ZNF778: variants seen among roughly 807,000 people sequenced by gnomAD.
ZNF778 encodes zinc finger protein 778.
ZNF778 carries 37 observed loss-of-function variants against 23.9 expected under a neutral mutation model. The observed-to-expected ratio is 1.54, with a 90% CI of 1.19 to 2.03. The LOEUF is 2.03. Among genes scored for constraint, ZNF778 ranks in the 30% most tolerant of loss-of-function variants. The pLI, the probability that ZNF778 is intolerant of heterozygous loss-of-function variation, is 0.00. For synonymous variants in ZNF778, 483 were observed against 343.9 expected, an observed-to-expected ratio of 1.40 and a Z score of -4.48; for missense variants, 1,297 against 934.4, an observed-to-expected ratio of 1.39 and a Z score of -5.06.
chr16:89,227,837 C>T lies in ZNF778; in HGVS notation c.1549C>T (p.Arg517Cys), dbSNP rs371046890. 24 of 1,613,802 alleles carry T rather than the reference C, an allele frequency of 1.5e-5. No individual in the cohort carries two copies. The highest frequency in any genetic ancestry group is 8.9e-5 in the East Asian group (4 of 44,842). ...CKQCGKAFTG[R>C]SGLTKHMRTH... Reference sequence around the variant, plus strand: ...GCAGTGTGGCAAAGCCTTCACAGGGCGCTCAGGCCTCACTAAACACATGCG... The same window carrying T: ...GCAGTGTGGCAAAGCCTTCACAGGGTGCTCAGGCCTCACTAAACACATGCG... Residue 517 changes from arginine to cysteine, a missense_variant, in exon 7 of 7, where the codon CGC (arginine) becomes TGC (cysteine). Coordinates refer to ENST00000433976, the MANE Select transcript of ZNF778 (RefSeq NM_001201407.2).
chr16:89,234,282 T>C lies in ZNF778; in HGVS notation c.*5720T>C, dbSNP rs1265086942. 7 of 348,074 alleles carry C rather than the reference T, an allele frequency of 2.0e-5. No homozygotes were observed. Among genetic ancestry groups the C allele is most frequent in the Non-Finnish European group, 5.7e-6 (1 of 176,464 alleles). The allele number at this position is 348,074 out of a possible 1,614,324, so 21.6% of individuals were successfully genotyped here. A position where few individuals can be genotyped will look rare whatever the true frequency, so the allele number is the denominator to read the frequency against. The stretch of plus-strand genomic sequence containing the variant: ...CCAGCCCAGGGATTCTTGAACTATC[T>C]GTAGGAACTGCCATGTTGACTCCTG... On this transcript the variant is annotated 3_prime_UTR_variant, in exon 7 of 7. Coordinates refer to ENST00000433976, the MANE Select transcript of ZNF778 (RefSeq NM_001201407.2).
chr16:89,228,381 A>G lies in ZNF778; in HGVS notation c.2093A>G (p.Gln698Arg). The change falls in exon 7 of 7, where the codon CAG becomes CGG. Residue 698 changes from glutamine to arginine, a missense_variant. Coordinates refer to ENST00000433976, the MANE Select transcript of ZNF778 (RefSeq NM_001201407.2). ...AAACATGGAAGAATTCACACTGGGC[A>G]GAAACCCTATAAATGTAAGGAATGT... is the stretch of plus-strand genomic sequence containing the variant. ...LHKHGRIHTGQKPYKCKECGK... is the reference protein window; with the variant it reads ...LHKHGRIHTGRKPYKCKECGK... 1.2e-6 allele frequency: 2 copies of G among 1,613,856 alleles called. No homozygotes were observed. The highest frequency in any genetic ancestry group is 1.7e-6 in the Non-Finnish European group (2 of 1,179,818).
Position 89,232,642 on chromosome 16 carries a change from G to GTTT in ZNF778, c.*4092_*4094dup. 1 of 1,047,092 alleles carries GTTT rather than the reference G, an allele frequency of 9.6e-7. No individual in the cohort carries two copies. Among genetic ancestry groups the GTTT allele is most frequent in the Non-Finnish European group, 1.1e-6 (1 of 877,826 alleles). The allele number at this position is 1,047,092 out of a possible 1,614,324, so 64.9% of individuals were successfully genotyped here. A position where few individuals can be genotyped will look rare whatever the true frequency, so the allele number is the denominator to read the frequency against. On this transcript the variant is annotated 3_prime_UTR_variant, in exon 7 of 7. Transcript: ENST00000433976. Reference sequence around the variant, plus strand: ...TTAAAGGACCAATTGTATTAATTATGTTTTTTTTTTTTTTGTTAGGGTACA... The same window carrying GTTT: ...TTAAAGGACCAATTGTATTAATTATGTTTTTTTTTTTTTTTTTGTTAGGGTACA...
At position 89,228,187 on chromosome 16, in the gene ZNF778, C is replaced by T. The variant is rs74466939; in HGVS notation, c.1899C>T (p.Ile633=). Residue 633 remains isoleucine, a synonymous_variant, in exon 7 of 7, where the codon ATC becomes ATT. Coordinates refer to ENST00000433976, the MANE Select transcript of ZNF778 (RefSeq NM_001201407.2). ...CCTTCACCACATCCTCACACCTTAT[C>T]GTGCACATAAGAACCCACACCGGTG... ...GKAFTTSSHL[I]VHIRTHTGEK... is the part of the protein sequence containing the mutation. 187,009 of 1,613,546 alleles carry T rather than the reference C, an allele frequency of 0.12. 13,429 individuals carry two copies. Among genetic ancestry groups the T allele is most frequent in the Admixed American group, 0.32 (19,081 of 59,976 alleles).
intron 3 of ZNF778, among the ~76,000 whole-genome samples, 192 bp from the exon 4 acceptor site, chr16:89,222,965 C>CGGTGCGCGTGACTGG (rs2031109641): frequency 2.7e-5 from 4 of 150,600 alleles, no homozygotes; most frequent in Middle Eastern, 3.5e-3. Context: ...AGGAGAGCGA[C>CGGTGCGCGTGACTGG]AGGGTGCGCG....
chr16:89,219,220 A>T (rs1238047662), intron 1 of ZNF778, among the ~76,000 whole-genome samples: 3 of 152,250 alleles, frequency 2.0e-5, no homozygotes, highest in Non-Finnish European at 4.4e-5. Context: ...TTTGGGGACT[A>T]AGAGCCCTTC....
intron 1 of ZNF778, among the ~76,000 whole-genome samples, chr16:89,220,131 A>G (rs1307102081): frequency 1.3e-5 from 2 of 152,338 alleles, no homozygotes; most frequent in East Asian, 3.9e-4. Context: ...GAAGGAGGGA[A>G]AAGAGCCTGT....
rs897335793 is a variant in ZNF778 at position 89,229,840 on chromosome 16, C to T, written c.*1278C>T. 2 of 984,040 alleles carry T rather than the reference C, an allele frequency of 2.0e-6. No homozygotes were observed. Among genetic ancestry groups the T allele is most frequent in the African/African-American group, 3.5e-5 (2 of 56,804 alleles). The allele number at this position is 984,040 out of a possible 1,614,324, so 61.0% of individuals were successfully genotyped here. A position where few individuals can be genotyped will look rare whatever the true frequency, so the allele number is the denominator to read the frequency against. On this transcript the variant is annotated 3_prime_UTR_variant, in exon 7 of 7. Transcript: ENST00000433976. ...GTATCCAGATGTGATCCTGTGTGAG[C>T]AGCGTAGGCTCTGGTTGGTTAGTCT...
Position 89,232,541 on chromosome 16 carries a change from T to G in ZNF778, c.*3979T>G, listed in dbSNP as rs2031979821. On this transcript the variant is annotated 3_prime_UTR_variant, in exon 7 of 7. Coordinates refer to ENST00000433976, the MANE Select transcript of ZNF778 (RefSeq NM_001201407.2). ...ACTCTCAGAACGTGTTCTGTGTCAC[T>G]TAGGGCAACTTATGCCCTCCTGTGT... is the stretch of plus-strand genomic sequence containing the variant. 1.0e-6 allele frequency: 1 copy of G among 960,336 alleles called. No individual in the cohort carries two copies. Among genetic ancestry groups the G allele is most frequent in the Admixed American group, 3.7e-5 (1 of 27,106 alleles). The allele number at this position is 960,336 out of a possible 1,614,324, so 59.5% of individuals were successfully genotyped here.
rs1000940763 is a variant in ZNF778, at chr16:89,230,023, T to G, written c.*1461T>G. 1 of 980,742 alleles carries G rather than the reference T, an allele frequency of 1.0e-6. No homozygotes were observed. The highest frequency in any genetic ancestry group is 1.8e-5 in the African/African-American group (1 of 57,030). 60.8% of individuals were successfully genotyped at this position (980,742 alleles called of 1,614,324 possible). Reference sequence around the variant, plus strand: ...AGCAGTGTAGGCTCTGGTTGGTTAGTCTTAAGTATCCAGATGGGATCCTGT... The same window carrying G: ...AGCAGTGTAGGCTCTGGTTGGTTAGGCTTAAGTATCCAGATGGGATCCTGT... On this transcript the variant is annotated 3_prime_UTR_variant, in exon 7 of 7. Transcript: ENST00000433976.
intron 3 of ZNF778, 82 bp from the exon 4 acceptor site, chr16:89,223,075 G>T: frequency 1.3e-6 from 2 of 1,522,116 alleles, no homozygotes; most frequent in Non-Finnish European, 1.8e-6. Context: ...AGTCCCATAG[G>T]CGTAGGGCCC....
In ZNF778 at chr16:89,236,422, T is replaced by C. The variant is rs2032239106; in HGVS notation, c.*7860T>C. ...TATCCAACAAAATATCCTTTAGGAA[T>C]GAAACAGAAGTAACGATGAGGCAAT... On this transcript the variant is annotated 3_prime_UTR_variant, in exon 7 of 7. Transcript: ENST00000433976. 6.6e-6 allele frequency: 1 copy of C among 152,158 alleles called. No individual in the cohort carries two copies. Among genetic ancestry groups the C allele is most frequent in the South Asian group, 2.1e-4 (1 of 4,832 alleles). The allele number at this position is 152,158 out of a possible 1,614,324, so 9.4% of individuals were successfully genotyped here.
intron 3 of ZNF778, among the ~76,000 whole-genome samples, chr16:89,222,808 T>C (rs1597349655): frequency 6.6e-6 from 1 of 152,216 alleles, no homozygotes; most frequent in East Asian, 1.9e-4. Flanking sequence ...TGTAGTGTGC[T>C]CAGGAGAGGG....
intron 1 of ZNF778, 121 bp from the exon 2 acceptor site, chr16:89,220,876 A>T (rs774836911): frequency 2.0e-5 from 10 of 496,730 alleles, no homozygotes; most frequent in Non-Finnish European, 3.7e-5. Flanking sequence ...TGACGTGGAT[A>T]TTACTAGTCC....
Position 89,226,674 on chromosome 16 carries a change from C to G in ZNF778, c.406-20C>G, listed in dbSNP as rs761593279. ...TCAGCCTCAGTAACCCCCTGACCAC[C>G]ACTCATTCTTCACCAACAGGCAAGA... On this transcript the variant is annotated intron_variant, in intron 6 of 6. Transcript: ENST00000433976. 3 of 1,593,876 alleles carry G rather than the reference C, an allele frequency of 1.9e-6. No individual in the cohort carries two copies. The highest frequency in any genetic ancestry group is 2.6e-6 in the Non-Finnish European group (3 of 1,167,540).
At chr16:89,222,287 G>T in intron 3 of ZNF778, 104 bp downstream of exon 3, 2 of 801,600 alleles carry the variant, frequency 2.5e-6, no homozygotes, top group South Asian at 4.8e-5. Context: ...CTCAAGGACC[G>T]AGTCCCTAGT....
intron 3 of ZNF778, 61 bp downstream of exon 3, chr16:89,222,244 T>TG: frequency 7.3e-7 from 1 of 1,371,762 alleles, no homozygotes; most frequent in Non-Finnish European, 1.0e-6. Flanking sequence ...ATAGACAAGT[T>TG]TCTGTCTGAG....
intron 1 of ZNF778, among the ~76,000 whole-genome samples, chr16:89,219,326 C>T (rs1222517798): frequency 3.9e-5 from 6 of 152,124 alleles, no homozygotes; most frequent in Non-Finnish European, 5.9e-5. Flanking sequence ...TCTCGTGATA[C>T]GTTTAAATAT....
chr16:89,232,774 C>A lies in ZNF778; in HGVS notation c.*4212C>A, dbSNP rs2031992591. On this transcript the variant is annotated 3_prime_UTR_variant, in exon 7 of 7. Transcript: ENST00000433976. ...GGAAACATGCACTGCATATACAAATCAACTCACTGCATATGCACATCAACT... is the reference window on the plus strand; with the variant it reads ...GGAAACATGCACTGCATATACAAATAAACTCACTGCATATGCACATCAACT... 3 of 1,273,704 alleles carry A rather than the reference C, an allele frequency of 2.4e-6. No individual in the cohort carries two copies. Among genetic ancestry groups the A allele is most frequent in the Middle Eastern group, 2.1e-4 (1 of 4,664 alleles). The allele number at this position is 1,273,704 out of a possible 1,614,324, so 78.9% of individuals were successfully genotyped here. A position where few individuals can be genotyped will look rare whatever the true frequency, so the allele number is the denominator to read the frequency against.
Sources: allele counts gnomAD v4.1 joint callset (sites outside exome capture counted in the v4.1 genomes callset), GRCh38; gene constraint gnomAD v4.1.1; transcripts MANE v1.5; gene names NCBI Gene and HGNC (gene_info 2026-07-23, HGNC 2026-07-21).